The following CLVS1 variants were observed in gnomAD, a reference collection of about 807,000 sequenced individuals.
CLVS1 encodes clavesin-1.
In CLVS1, 10 loss-of-function variants were observed where a neutral mutation model predicts 33.1. That is an observed-to-expected ratio of 0.30 (90% CI 0.19 to 0.51). CLVS1 has a LOEUF of 0.51. Among genes scored for constraint, CLVS1 ranks in the 20% least tolerant of loss-of-function variants. The probability of loss-of-function intolerance (pLI) is 0.97; values close to 1 mark genes in which losing one functional copy is unlikely to be tolerated. For synonymous variants in CLVS1, 163 were observed against 166.1 expected (o/e 0.98, Z 0.14); for missense variants, 343 against 433.4 (o/e 0.79, Z 1.85).
chr8:61,069,832 C>G (rs1804759394), intron 1 of CLVS1, among the ~76,000 whole-genome samples: 1 of 151,964 alleles, frequency 6.6e-6, no homozygotes, highest in African/African-American at 2.4e-5. Context: ...GCTCTATCTC[C>G]CATGCTGGAG....
Position 61,169,373 on chromosome 8 carries a change from A to G in CLVS1, c.-152+37513A>G, listed in dbSNP as rs1585659263. Among the ~76,000 whole-genome samples, 4 of 152,308 alleles carry G rather than the reference A, an allele frequency of 2.6e-5. 1 individual carries two copies. The highest frequency in any genetic ancestry group is 2.6e-4 in the Admixed American group (4 of 15,294). On this transcript the variant is annotated intron_variant, in intron 2 of 2. Coordinates refer to the CLVS1 transcript ENST00000522621. ...AGTTCCTTTACCTAACTGAAGAACA[A>G]TTATTTCCCCAAAAAATACAGCTGT... is the stretch of plus-strand genomic sequence containing the variant.
At chr8:61,002,914 A>G in the CLVS1 span, among the ~76,000 whole-genome samples, 2 of 152,234 alleles carry the variant, frequency 1.3e-5, no homozygotes, top group Admixed American at 1.3e-4. Context: ...GGTCTAGTCT[A>G]GCATATCAAA....
chr8:61,094,479 T>A (rs1805313039), intron 1 of CLVS1, among the ~76,000 whole-genome samples: 1 of 152,198 alleles, frequency 6.6e-6, no homozygotes, highest in African/African-American at 2.4e-5. Flanking sequence ...TATCTTCTCC[T>A]TTTTATGCAT....
At chr8:61,294,467 C>T (rs1810116191) in intron 1 of CLVS1, among the ~76,000 whole-genome samples, 1 of 152,048 alleles carries the variant, frequency 6.6e-6, no homozygotes, top group Admixed American at 6.6e-5. Context: ...CGAATATTTA[C>T]CTGGATACAG....
rs377669144 is a variant in CLVS1, at chr8:61,454,250, G to A, written c.740G>A (p.Arg247Gln). The stretch of plus-strand genomic sequence containing the variant: ...TTTCTTAAAGACAAGACCAGGAAAC[G>A]GGTAATGAAAACAAATGCATCATGT... ...KPFLKDKTRK[R>Q]IFLHGNNLNS... Residue 247 changes from arginine (R) to glutamine (Q), a missense_variant and splice_region_variant, in exon 4 of 6, where the codon CGG becomes CAG. Arg to Gln is a conservative substitution (Grantham distance 43). Transcript: ENST00000325897. The A allele has an allele frequency of 6.2e-7, 1 of 1,608,514 alleles. No homozygotes were observed. Among genetic ancestry groups the A allele is most frequent in the Non-Finnish European group, 8.5e-7 (1 of 1,174,942 alleles).
chr8:60,994,240 A>G, the CLVS1 span, among the ~76,000 whole-genome samples: 213 of 152,190 alleles, frequency 1.4e-3, no homozygotes, highest in African/African-American at 4.9e-3. Context: ...TCTTATAAGG[A>G]CACCAGTTGT....
At chr8:61,341,463 T>G (rs1812027003) in intron 2 of CLVS1, among the ~76,000 whole-genome samples, 1 of 152,212 alleles carries the variant, frequency 6.6e-6, no homozygotes, top group African/African-American at 2.4e-5. Flanking sequence ...TGAATATGCA[T>G]GTCCCAAATC....
At chr8:61,464,508 T>G (rs1817477736) in intron 5 of CLVS1, 2 of 152,188 alleles carry the variant, frequency 1.3e-5, no homozygotes, top group African/African-American at 2.4e-5. Flanking sequence ...AACTATAATG[T>G]AGAATGTGAG....
At chr8:61,168,590 A>G (rs1187755132) in intron 2 of CLVS1, among the ~76,000 whole-genome samples, 1 of 152,268 alleles carries the variant, frequency 6.6e-6, no homozygotes, top group Non-Finnish European at 1.5e-5. Flanking sequence ...TGGACTAAAT[A>G]TTAAATTATT....
intron 1 of CLVS1, among the ~76,000 whole-genome samples, chr8:61,058,357 C>G (rs1295283352): frequency 2.6e-5 from 4 of 152,224 alleles, no homozygotes; most frequent in Non-Finnish European, 4.4e-5. Flanking sequence ...GCTACAGCTA[C>G]AGATCATGCT....
intron 2 of CLVS1, among the ~76,000 whole-genome samples, chr8:61,184,663 T>C (rs893108364): frequency 1.1e-4 from 17 of 152,078 alleles, no homozygotes; most frequent in African/African-American, 4.1e-4. Context: ...CTCATTATCT[T>C]TCCCTGCACC....
In CLVS1 at chr8:61,244,563, G is replaced by A. The variant is rs116002510; in HGVS notation, c.-151-55114G>A. 3.6e-3 allele frequency among the ~76,000 whole-genome samples: 552 copies of A among 152,228 alleles called. 3 individuals are homozygous for A. The highest frequency in any genetic ancestry group is 0.013 in the African/African-American group (521 of 41,550). On this transcript the variant is annotated intron_variant, in intron 2 of 2. Transcript: ENST00000522621. Reference sequence around the variant, plus strand: ...CATGCCTTGTTTTATTAGTTGCTGAGAGAGATTTGTTAAAATGTCCATAAT... The same window carrying A: ...CATGCCTTGTTTTATTAGTTGCTGAAAGAGATTTGTTAAAATGTCCATAAT...
chr8:61,034,370 AT>A, the CLVS1 span, among the ~76,000 whole-genome samples: 78,747 of 137,458 alleles, frequency 0.57, 20,945 homozygotes, highest in Middle Eastern at 0.66. Context: ...AATACTTATC[AT>A]TTTTTTTTTG....
At chr8:61,089,730 G>C (rs1187037670) in intron 1 of CLVS1, among the ~76,000 whole-genome samples, 1 of 152,022 alleles carries the variant, frequency 6.6e-6, no homozygotes, top group Non-Finnish European at 1.5e-5. Flanking sequence ...ACTAGCCTGG[G>C]CAACATAGCA....
intron 3 of CLVS1, among the ~76,000 whole-genome samples, chr8:61,409,004 T>A (rs1015801323): frequency 1.3e-5 from 2 of 152,144 alleles, no homozygotes; most frequent in Non-Finnish European, 2.9e-5. Context: ...GGAAGAAATA[T>A]ATCAGGCTTA....
the CLVS1 span, among the ~76,000 whole-genome samples, chr8:60,968,857 C>G: frequency 3.5e-4 from 53 of 151,620 alleles, no homozygotes; most frequent in African/African-American, 1.2e-3. Flanking sequence ...CCACTGCACT[C>G]CAGCCTAGGT....
At chr8:61,020,263 A>C in the CLVS1 span, among the ~76,000 whole-genome samples, 158 of 152,364 alleles carry the variant, frequency 1.0e-3, 1 homozygote, top group African/African-American at 3.6e-3. Context: ...TTTGAGAAGT[A>C]GCCTCAGTTC....
chr8:61,205,842 AT>A (rs559861891), intron 2 of CLVS1, among the ~76,000 whole-genome samples: 2 of 151,994 alleles, frequency 1.3e-5, no homozygotes, highest in East Asian at 1.9e-4. Flanking sequence ...TAAACTTAAA[AT>A]TTTTTTTATT....
the CLVS1 span, among the ~76,000 whole-genome samples, chr8:61,022,351 A>G: frequency 6.6e-6 from 1 of 152,220 alleles, no homozygotes; most frequent in Non-Finnish European, 1.5e-5. Flanking sequence ...TTTAACGAGC[A>G]GCTTATGCCA....
Sources: gnomAD v4.1 joint callset for allele counts (sites outside exome capture counted in the v4.1 genomes callset) on GRCh38, gnomAD v4.1.1 for gene constraint, MANE v1.5 for transcripts, NCBI Gene and HGNC (gene_info 2026-07-23, HGNC 2026-07-21) for gene names.